Variants in TOGARAM1 observed in about 807,000 individuals in gnomAD.
TOGARAM1 encodes TOG array regulator of axonemal microtubules 1, also known as TOG array regulator of axonemal microtubules protein 1.
Under a neutral mutation model 166.6 loss-of-function variants are expected in TOGARAM1, and 100 were observed. The ratio of observed to expected loss-of-function variants is 0.60; its 90% CI spans 0.51 to 0.71. The LOEUF is 0.71. TOGARAM1 is among the 30% of genes least tolerant of loss of function. The pLI, the probability that TOGARAM1 is intolerant of heterozygous loss-of-function variation, is 0.00. For missense variants in TOGARAM1, 2,029 were observed against 2,102.7 expected (o/e 0.96, Z 0.69); for synonymous variants, 758 against 763.8 (o/e 0.99, Z 0.13).
At chr14:45,041,652 A>G (rs546194617) in intron 11 of TOGARAM1, among the ~76,000 whole-genome samples, 5 of 152,316 alleles carry the variant, frequency 3.3e-5, no homozygotes, top group African/African-American at 1.2e-4. Flanking sequence ...AGAACTTCTT[A>G]TTTCCCCTCT....
intron 7 of TOGARAM1, among the ~76,000 whole-genome samples, chr14:45,017,432 C>CACACAG (rs146798483): frequency 0.038 from 5,799 of 151,336 alleles, 173 homozygotes; most frequent in East Asian, 0.12. Flanking sequence ...CACACACACA[C>CACACAG]ACGTTTTTAG....
chr14:44,977,525 A>C lies in TOGARAM1; in HGVS notation c.2046+13058A>C, dbSNP rs529979514. Among the ~76,000 whole-genome samples the C allele has an allele frequency of 2.3e-3, 347 of 151,602 alleles. 2 individuals are homozygous for C. The highest frequency in any genetic ancestry group is 6.3e-3 in the African/African-American group (260 of 41,364). ...TGCTGGGATTACAGGCGTGAGCCAC[A>C]GCACCCGGCCAAGACTGACTTTTTA... On this transcript the variant is annotated intron_variant, in intron 1 of 19. Coordinates refer to ENST00000361462, the MANE Select transcript of TOGARAM1 (RefSeq NM_001308120.2).
intron 13 of TOGARAM1, 55 bp downstream of exon 13, chr14:45,044,925 TCGGGA>T (rs1881912940): frequency 1.5e-6 from 2 of 1,323,948 alleles, no homozygotes; most frequent in Admixed American, 2.1e-5. Context: ...AATGTTGCAA[TCGGGA>T]CTGTAGAAAA....
chr14:45,033,217 C>T (rs992939476), intron 11 of TOGARAM1, among the ~76,000 whole-genome samples: 1 of 149,346 alleles, frequency 6.7e-6, no homozygotes, highest in Non-Finnish European at 1.5e-5. Context: ...TGGGCAACTG[C>T]ACTCCAGCCT....
intron 19 of TOGARAM1, 49 bp from the exon 20 acceptor site, chr14:45,073,247 G>C (rs187386468): frequency 7.0e-5 from 107 of 1,535,286 alleles, no homozygotes; most frequent in Non-Finnish European, 9.2e-5. Context: ...GCAGAGCTTG[G>C]GCTTATTTAT....
In TOGARAM1 at chr14:44,963,250, T is replaced by C; in HGVS notation, c.829T>C (p.Phe277Leu). The C allele has an allele frequency of 6.2e-7, 1 of 1,614,178 alleles. No individual in the cohort carries two copies. The highest frequency in any genetic ancestry group is 8.5e-7 in the Non-Finnish European group (1 of 1,180,040). The change falls in exon 1 of 20, where the codon TTC becomes CTC. Residue 277 changes from phenylalanine to leucine, a missense_variant. Physicochemically the swap from Phe to Leu is conservative, Grantham distance 22. Around this residue, in one of 2 missense-constraint regions of TOGARAM1, gnomAD observed 1,453 missense variants for 1,432.2 expected, o/e 1.01. Coordinates refer to ENST00000361462, the MANE Select transcript of TOGARAM1 (RefSeq NM_001308120.2). ...QETEEESETA[F>L]SALQQIGERL... ...GACAGAAGAAGAATCTGAGACAGCT[T>C]TCTCCGCACTTCAACAAATTGGGGA...
intron 7 of TOGARAM1, among the ~76,000 whole-genome samples, chr14:45,020,366 A>G (rs1327508109): frequency 6.6e-6 from 1 of 152,204 alleles, no homozygotes; most frequent in African/African-American, 2.4e-5. Flanking sequence ...TTGAAGTACT[A>G]CTGCTGCTAG....
chr14:44,988,160 T>C (rs1305571656), intron 1 of TOGARAM1, among the ~76,000 whole-genome samples: 3 of 150,894 alleles, frequency 2.0e-5, no homozygotes, highest in Non-Finnish European at 4.4e-5. Context: ...ATGTAAATGA[T>C]GAGTTAATGG....
At chr14:45,047,928 T>C (rs1029568247) in intron 14 of TOGARAM1, among the ~76,000 whole-genome samples, 1 of 151,668 alleles carries the variant, frequency 6.6e-6, no homozygotes, top group Admixed American at 6.6e-5. Flanking sequence ...TGGTGGCACA[T>C]GCCTGTAATC....
At chr14:45,036,720 G>T (rs1028672390) in intron 11 of TOGARAM1, among the ~76,000 whole-genome samples, 10 of 152,194 alleles carry the variant, frequency 6.6e-5, no homozygotes, top group African/African-American at 2.4e-4. Flanking sequence ...GTATCAGCCA[G>T]GGATGTGATC....
At chr14:45,007,101 C>A (rs1366373075) in intron 5 of TOGARAM1, 1 of 151,218 alleles carries the variant, frequency 6.6e-6, no homozygotes, top group East Asian at 2.0e-4. Context: ...TATATAAATG[C>A]AAATACTTAA....
intron 16 of TOGARAM1, among the ~76,000 whole-genome samples, chr14:45,065,931 C>T (rs1169535906): frequency 6.6e-6 from 1 of 152,166 alleles, no homozygotes; most frequent in East Asian, 1.9e-4. Context: ...AAAAAGGCTG[C>T]TTGCAAGGTT....
intron 2 of TOGARAM1, among the ~76,000 whole-genome samples, chr14:44,998,441 G>A (rs768300720): frequency 1.3e-5 from 2 of 152,196 alleles, no homozygotes; most frequent in Non-Finnish European, 2.9e-5. Context: ...GAGGCTGGGC[G>A]CTGTGGCTCA....
intron 1 of TOGARAM1, among the ~76,000 whole-genome samples, chr14:44,984,615 A>C (rs1314864953): frequency 6.6e-6 from 1 of 151,388 alleles, no homozygotes; most frequent in Non-Finnish European, 1.5e-5. Context: ...AAAAAAAAAA[A>C]TGCAAATAAA....
At chr14:44,972,092 A>G (rs1359546330) in intron 1 of TOGARAM1, among the ~76,000 whole-genome samples, 1 of 152,152 alleles carries the variant, frequency 6.6e-6, no homozygotes, top group African/African-American at 2.4e-5. Context: ...AGAACAGGAA[A>G]GGGGATATCC....
chr14:45,023,540 A>G (rs1880649094), intron 7 of TOGARAM1, among the ~76,000 whole-genome samples: 1 of 152,142 alleles, frequency 6.6e-6, no homozygotes, highest in Non-Finnish European at 1.5e-5. Flanking sequence ...CCCGTAAACA[A>G]TGAGGCCAAC....
At chr14:45,055,872 T>A (rs1882613051) in intron 16 of TOGARAM1, among the ~76,000 whole-genome samples, 1 of 140,478 alleles carries the variant, frequency 7.1e-6, no homozygotes. Context: ...CAAAAAAAGG[T>A]TCAGTGAGCC....
chr14:44,978,371 C>A (rs1886327972), intron 1 of TOGARAM1: 1 of 152,146 alleles, frequency 6.6e-6, no homozygotes, highest in African/African-American at 2.4e-5. Flanking sequence ...ACTAACCATA[C>A]ATGTATGACA....
chr14:44,992,234 T>C (rs1887183178), intron 1 of TOGARAM1, among the ~76,000 whole-genome samples: 1 of 152,126 alleles, frequency 6.6e-6, no homozygotes, highest in Non-Finnish European at 1.5e-5. Context: ...AGCTATTTTT[T>C]CTAAAGTGTA....
Sources: gnomAD v4.1 joint callset for allele counts (sites outside exome capture counted in the v4.1 genomes callset) on GRCh38, gnomAD v4.1.1 for gene constraint, gnomAD v4.1.1 regional missense constraint, MANE v1.5 for transcripts, NCBI Gene and HGNC (gene_info 2026-07-23, HGNC 2026-07-21) for gene names.